Variants in IL36B observed in about 807,000 individuals in gnomAD.
The protein encoded by IL36B is interleukin-36 beta.
A neutral mutation model predicts 19.3 loss-of-function variants in IL36B; 23 were observed. The ratio of observed to expected loss-of-function variants is 1.19; its 90% CI spans 0.86 to 1.69. The LOEUF (loss-of-function observed/expected upper bound fraction) is 1.69, where lower values mean the gene tolerates loss of function less well. Ranked by LOEUF, IL36B falls within the 40% of genes most tolerant of loss-of-function variation. The pLI, the probability that IL36B is intolerant of heterozygous loss-of-function variation, is 0.00. For synonymous variants in IL36B, 59 were observed against 59.7 expected (o/e 0.99, Z 0.05); for missense variants, 217 against 200.5 (o/e 1.08, Z -0.50).
intron 1 of IL36B, among the ~76,000 whole-genome samples, chr2:113,033,357 G>A (rs1007638836): frequency 6.6e-6 from 1 of 151,988 alleles, no homozygotes; most frequent in Non-Finnish European, 1.5e-5. Flanking sequence ...TCAGCCTCCC[G>A]AGTAGCTGGA....
intron 1 of IL36B, among the ~76,000 whole-genome samples, chr2:113,032,087 C>T: frequency 6.6e-6 from 1 of 151,464 alleles, no homozygotes; most frequent in East Asian, 1.9e-4. Context: ...TACTCTGAGT[C>T]TCTGGGTTGA....
chr2:113,024,257 A>G (rs1347950030), intron 5 of IL36B, among the ~76,000 whole-genome samples: 1 of 152,166 alleles, frequency 6.6e-6, no homozygotes, highest in East Asian at 1.9e-4. Flanking sequence ...ACCTCCGTGA[A>G]TATTAGAGTA....
chr2:113,052,209 C>T (rs1278784706), intron 1 of IL36B, among the ~76,000 whole-genome samples: 9 of 152,110 alleles, frequency 5.9e-5, no homozygotes, highest in Non-Finnish European at 1.3e-4. Flanking sequence ...CTCTACCTCC[C>T]AAGGTACTGG....
intron 4 of IL36B, chr2:113,027,618 G>A: frequency 8.1e-7 from 1 of 1,240,632 alleles, no homozygotes; most frequent in East Asian, 3.9e-5. Flanking sequence ...GCAGCATTTG[G>A]GGGGTTGACT....
intron 1 of IL36B, among the ~76,000 whole-genome samples, chr2:113,046,474 T>C (rs530361879): frequency 4.6e-5 from 7 of 152,264 alleles, no homozygotes; most frequent in African/African-American, 7.2e-5. Context: ...CCCCAAAGTG[T>C]TGGGATTACA....
At chr2:113,029,610 A>G (rs941469470) in intron 3 of IL36B, among the ~76,000 whole-genome samples, 3 of 152,220 alleles carry the variant, frequency 2.0e-5, no homozygotes, top group African/African-American at 7.2e-5. Flanking sequence ...TGCCACCAAC[A>G]GAGAATGTTA....
rs1684958193 is a variant in IL36B, at chr2:113,026,212, G to C, written c.282C>G (p.Asn94Lys). Reference sequence around the variant, plus strand: ...GTTTCCAGCAAGTGTCCTTCCCTATGTTATCTTGGGAGCCCTGAAGCTGGA... The same window carrying C: ...GTTTCCAGCAAGTGTCCTTCCCTATCTTATCTTGGGAGCCCTGAAGCTGGA... The change falls in exon 5 of 6, where the codon AAC becomes AAG. Residue 94 changes from asparagine to lysine, a missense_variant. Transcript: ENST00000259213. 6.2e-7 allele frequency: 1 copy of C among 1,613,766 alleles called. No individual in the cohort carries two copies. The highest frequency in any genetic ancestry group is 1.3e-5 in the African/African-American group (1 of 75,004).
At chr2:113,024,114 T>G (rs1243750197) in intron 5 of IL36B, among the ~76,000 whole-genome samples, 1 of 152,142 alleles carries the variant, frequency 6.6e-6, no homozygotes, top group Non-Finnish European at 1.5e-5. Flanking sequence ...ATAGAAGAGA[T>G]TCAGGGGACA....
At chr2:113,049,641 T>TA (rs1255071848) in intron 1 of IL36B, among the ~76,000 whole-genome samples, 2 of 152,104 alleles carry the variant, frequency 1.3e-5, no homozygotes, top group Non-Finnish European at 2.9e-5. Context: ...AAATAGAAAA[T>TA]AACAAGTGTT....
rs745930242 is a variant in IL36B at position 113,022,716 on chromosome 2, G to A, written c.453C>T (p.Phe151=). 1.2e-6 allele frequency: 2 copies of A among 1,613,296 alleles called. No homozygotes were observed. Among genetic ancestry groups the A allele is most frequent in the Non-Finnish European group, 1.7e-6 (2 of 1,179,266 alleles). Reference sequence around the variant, plus strand: ...TTCCTATGTTGGTCCGCATGGATGAGAAATCTTTGTCCTTCTTCCTGAGAT... The same window carrying A: ...TTCCTATGTTGGTCCGCATGGATGAAAAATCTTTGTCCTTCTTCCTGAGAT... The change falls in exon 6 of 6, where the codon TTC becomes TTT. Residue 151 remains phenylalanine, a synonymous_variant. Transcript: ENST00000259213.
At chr2:113,036,507 C>T (rs1037389837) in intron 1 of IL36B, among the ~76,000 whole-genome samples, 10 of 152,138 alleles carry the variant, frequency 6.6e-5, no homozygotes, top group Non-Finnish European at 1.2e-4. Flanking sequence ...CAGCTGAGGG[C>T]ATCCAACCCT....
chr2:113,050,243 G>A (rs1685419169), intron 1 of IL36B, among the ~76,000 whole-genome samples: 3 of 151,976 alleles, frequency 2.0e-5, no homozygotes, highest in Non-Finnish European at 4.4e-5. Context: ...AAGAAAATGT[G>A]GTACACACAC....
intron 4 of IL36B, among the ~76,000 whole-genome samples, chr2:113,027,141 CAT>C (rs1055262808): frequency 1.3e-5 from 2 of 152,058 alleles, no homozygotes; most frequent in Admixed American, 6.5e-5. Flanking sequence ...GAAGAGAAAA[CAT>C]ATTTATTATT....
chr2:113,030,993 C>T, intron 3 of IL36B, 55 bp downstream of exon 3: 1 of 1,286,584 alleles, frequency 7.8e-7, no homozygotes. Flanking sequence ...CAGCCTCATT[C>T]CTGGTGAAGA....
chr2:113,028,816 G>T, intron 4 of IL36B, 123 bp downstream of exon 4: 2 of 1,022,464 alleles, frequency 2.0e-6, no homozygotes, highest in Non-Finnish European at 2.8e-6. Context: ...AGCCAGGTCA[G>T]AATTATTTCC....
chr2:113,037,214 C>T (rs543070247), intron 1 of IL36B, among the ~76,000 whole-genome samples: 29 of 152,332 alleles, frequency 1.9e-4, no homozygotes, highest in East Asian at 5.8e-4. Context: ...CATGTCCTTC[C>T]GTGTCACAGG....
chr2:113,032,266 T>C (rs1235297232), intron 1 of IL36B, among the ~76,000 whole-genome samples: 3 of 152,084 alleles, frequency 2.0e-5, no homozygotes, highest in Non-Finnish European at 4.4e-5. Context: ...CCTGCCTCAC[T>C]GAGCCCATCT....
rs542023296 is a variant in IL36B, at chr2:113,032,009, T to C, written c.-57-243A>G. Among the ~76,000 whole-genome samples the C allele has an allele frequency of 1.2e-4, 19 of 152,240 alleles. No homozygotes were observed. The South Asian group carries it at 3.7e-3, about 30-fold the overall frequency. On this transcript the variant is annotated intron_variant, in intron 1 of 5. Coordinates refer to ENST00000259213, the MANE Select transcript of IL36B (RefSeq NM_014438.5). The stretch of plus-strand genomic sequence containing the variant: ...CTTCTCTAGGCTGTGATGGTCTTGG[T>C]ATGCTTTCCATTAATCACATCTGGG...
chr2:113,029,701 G>A (rs1043418158), intron 3 of IL36B, among the ~76,000 whole-genome samples: 6 of 152,152 alleles, frequency 3.9e-5, no homozygotes, highest in Non-Finnish European at 7.3e-5. Flanking sequence ...AAGAGGACAC[G>A]GGTAAACTAT....
Sources: allele counts gnomAD v4.1 joint callset (sites outside exome capture counted in the v4.1 genomes callset), GRCh38; gene constraint gnomAD v4.1.1; transcripts MANE v1.5; gene names NCBI Gene and HGNC (gene_info 2026-07-23, HGNC 2026-07-21).